Variants in SPTLC1 observed in about 807,000 individuals in gnomAD.
SPTLC1 encodes serine palmitoyltransferase 1.
In SPTLC1, 55 loss-of-function variants were observed where a neutral mutation model predicts 68.9. The observed-to-expected ratio is 0.80, with a 90% CI of 0.64 to 1.00. The LOEUF (loss-of-function observed/expected upper bound fraction) is 1.00. Among genes scored for constraint, SPTLC1 ranks in the 50% least tolerant of loss-of-function variants. The probability of loss-of-function intolerance (pLI) is 0.00; values close to 1 mark genes in which losing one functional copy is unlikely to be tolerated. For synonymous variants in SPTLC1, 197 were observed against 201.6 expected, an observed-to-expected ratio of 0.98 and a Z score of 0.19; for missense variants, 449 against 573.1, an observed-to-expected ratio of 0.78 and a Z score of 2.21.
At chr9:92,064,179 T>A (rs1834201540) in intron 6 of SPTLC1, among the ~76,000 whole-genome samples, 1 of 152,166 alleles carries the variant, frequency 6.6e-6, no homozygotes, top group Non-Finnish European at 1.5e-5. Context: ...ACACAAAAAA[T>A]CCACTTCATT....
chr9:92,098,305 T>G (rs1268318609), intron 3 of SPTLC1, among the ~76,000 whole-genome samples: 1 of 143,590 alleles, frequency 7.0e-6, no homozygotes, highest in Non-Finnish European at 1.5e-5. Context: ...ATCCCGCCCC[T>G]ACCCCGCCCA....
rs776829771 is a variant in SPTLC1, at chr9:92,068,099, C to G, written c.428-1G>C. The G allele has an allele frequency of 3.1e-6, 5 of 1,613,468 alleles. No individual in the cohort carries two copies. Among genetic ancestry groups the G allele is most frequent in the African/African-American group, 1.3e-5 (1 of 74,914 alleles). On this transcript the variant is annotated splice_acceptor_variant, in intron 5 of 14. Transcript: ENST00000262554. LOFTEE classifies it high-confidence loss of function. ...CGGTCTTCCAAATCCAAATGAACAT[C>G]TATTTCAGTTAAAAAAGTTAAATGG...
At chr9:92,034,725 C>G in intron 14 of SPTLC1, 85 bp downstream of exon 14, 1 of 1,088,620 alleles carries the variant, frequency 9.2e-7, no homozygotes, top group Non-Finnish European at 1.4e-6. Flanking sequence ...CTATGATAGT[C>G]TTTCAAAATT....
chr9:92,084,182 T>C (rs971400633), intron 3 of SPTLC1, among the ~76,000 whole-genome samples: 6 of 151,522 alleles, frequency 4.0e-5, no homozygotes, highest in Non-Finnish European at 8.8e-5. Flanking sequence ...TCATGTCATC[T>C]GCAAACAGGG....
At chr9:92,077,382 C>A (rs1834718527) in intron 5 of SPTLC1, among the ~76,000 whole-genome samples, 1 of 152,042 alleles carries the variant, frequency 6.6e-6, no homozygotes, top group African/African-American at 2.4e-5. Flanking sequence ...AGAACCTGAC[C>A]CCTCAAACTC....
intron 6 of SPTLC1, 58 bp downstream of exon 6, chr9:92,067,908 G>A: frequency 6.4e-7 from 1 of 1,557,358 alleles, no homozygotes; most frequent in Non-Finnish European, 8.9e-7. Context: ...ATTTCTCTAA[G>A]ACAGTCAGTA....
intron 6 of SPTLC1, among the ~76,000 whole-genome samples, chr9:92,059,807 A>C (rs1429433100): frequency 6.6e-6 from 1 of 152,210 alleles, no homozygotes. Context: ...CTATGTCAGC[A>C]AAGGCTGAGA....
intron 3 of SPTLC1, among the ~76,000 whole-genome samples, chr9:92,101,827 T>C (rs1835766562): frequency 6.6e-6 from 1 of 151,092 alleles, no homozygotes; most frequent in African/African-American, 2.4e-5. Flanking sequence ...ATTTTGAAAA[T>C]ATAGAAGAGA....
intron 14 of SPTLC1, 58 bp downstream of exon 14, chr9:92,034,752 A>G: frequency 1.4e-6 from 2 of 1,437,620 alleles, no homozygotes; most frequent in Non-Finnish European, 2.0e-6. Flanking sequence ...AAGATAACGT[A>G]TTTCATAGAG....
chr9:92,063,634 T>C (rs2118570334), intron 6 of SPTLC1, among the ~76,000 whole-genome samples: 1 of 152,200 alleles, frequency 6.6e-6, no homozygotes, highest in Middle Eastern at 3.4e-3. Flanking sequence ...AATTTAGCTT[T>C]TTATAAAAAA....
At chr9:92,035,604 T>A (rs973907445) in intron 13 of SPTLC1, among the ~76,000 whole-genome samples, 11 of 152,172 alleles carry the variant, frequency 7.2e-5, no homozygotes, top group African/African-American at 2.7e-4. Flanking sequence ...GCTGAATGTA[T>A]GATACTAAAA....
intron 12 of SPTLC1, among the ~76,000 whole-genome samples, chr9:92,045,548 A>C (rs1396944415): frequency 3.4e-5 from 5 of 145,384 alleles, no homozygotes; most frequent in South Asian, 4.2e-4. Context: ...AAAAAAAAAA[A>C]AAAACACTGA....
At chr9:92,112,162 T>C (rs1257778471) in intron 2 of SPTLC1, among the ~76,000 whole-genome samples, 2 of 152,198 alleles carry the variant, frequency 1.3e-5, no homozygotes, top group Non-Finnish European at 2.9e-5. Flanking sequence ...ACAACACTTA[T>C]GAATATTCAA....
intron 2 of SPTLC1, chr9:92,110,403 TCAAA>T (rs1201781988): frequency 6.6e-6 from 1 of 152,194 alleles, no homozygotes; most frequent in East Asian, 1.9e-4. Flanking sequence ...CATGAGCCCT[TCAAA>T]CAAATAACCT....
rs78624938 is a variant in SPTLC1 at position 92,044,224 on chromosome 9, G to C, written c.1136+1775C>G. On this transcript the variant is annotated intron_variant, in intron 12 of 14. Transcript: ENST00000262554. ...GGTGTGGGAGAAGGCAATTCTTCAA[G>C]AAGGTAATGAGAAGAAAAGAGAAGC... 3.6e-3 allele frequency among the ~76,000 whole-genome samples: 555 copies of C among 152,312 alleles called. 20 individuals carry two copies. In the East Asian group the frequency reaches 0.083, roughly 23 times the overall value.
rs189195602 is a variant in SPTLC1 at position 92,047,628 on chromosome 9, A to G, written c.969T>C (p.Phe323=). The G allele has an allele frequency of 1.2e-6, 2 of 1,613,154 alleles. No homozygotes were observed. The highest frequency in any genetic ancestry group is 3.3e-5 in the Admixed American group (2 of 59,988). The change falls in exon 10 of 15, where the codon TTT becomes TTC. Residue 323 remains phenylalanine (F), a synonymous_variant. Coordinates refer to ENST00000262554, the MANE Select transcript of SPTLC1 (RefSeq NM_006415.4). The stretch of plus-strand genomic sequence containing the variant: ...AAGAACCCACCTGATGGTCAATTAC[A>G]AAAGACCTGCCACAGCAGAAACCTC... ...SIGGFCCGRS[F]VIDHQRLSGQ... is the part of the protein sequence containing the mutation.
At chr9:92,058,955 C>A (rs78816050) in intron 7 of SPTLC1, among the ~76,000 whole-genome samples, 1 of 152,290 alleles carries the variant, frequency 6.6e-6, no homozygotes, top group East Asian at 1.9e-4. Context: ...CAGAAAGCTG[C>A]TTGGATTACC....
intron 8 of SPTLC1, chr9:92,051,351 A>G (rs531156418): frequency 2.0e-5 from 16 of 797,716 alleles, no homozygotes; most frequent in Non-Finnish European, 2.0e-5. Flanking sequence ...TACACATTAG[A>G]AGAATGTAGG....
chr9:92,034,887 T>C lies in SPTLC1; in HGVS notation c.1255-4A>G, dbSNP rs1587899962. The stretch of plus-strand genomic sequence containing the variant: ...ATGCAATACTTCTGTTCATGCACTG[T>C]AGGAAGAAAAAGAAGACATCTGCAA... On this transcript the variant is annotated splice_polypyrimidine_tract_variant and splice_region_variant and intron_variant, in intron 13 of 14. Transcript: ENST00000262554. 6.2e-7 allele frequency: 1 copy of C among 1,613,012 alleles called. No individual in the cohort carries two copies. The highest frequency in any genetic ancestry group is 8.5e-7 in the Non-Finnish European group (1 of 1,179,798).
Sources: gnomAD v4.1 joint callset for allele counts (sites outside exome capture counted in the v4.1 genomes callset) on GRCh38, gnomAD v4.1.1 for gene constraint, MANE v1.5 for transcripts, NCBI Gene and HGNC (gene_info 2026-07-23, HGNC 2026-07-21) for gene names.